Variants in CSMD1 observed in about 807,000 individuals in gnomAD.
CSMD1 encodes the protein CUB and sushi domain-containing protein 1.
Under a neutral mutation model 417.5 loss-of-function variants are expected in CSMD1, and 213 were observed. The ratio of observed to expected loss-of-function variants is 0.51; its 90% CI spans 0.46 to 0.57. CSMD1 has a LOEUF of 0.57. Ranked by LOEUF, CSMD1 falls within the 20% of genes least tolerant of loss-of-function variation. The pLI, the probability that CSMD1 is intolerant of heterozygous loss-of-function variation, is 0.00. For missense variants in CSMD1, 6,923 were observed against 4,529.7 expected (o/e 1.53, Z -15.17); for synonymous variants, 2,862 against 1,736.8 (o/e 1.65, Z -16.11).
intron 5 of CSMD1, among the ~76,000 whole-genome samples, chr8:3,874,305 G>C (rs549466584): frequency 2.6e-5 from 4 of 152,236 alleles, no homozygotes; most frequent in South Asian, 2.1e-4. Context: ...CTGTACTTTG[G>C]AAATACAGGC....
intron 1 of CSMD1, among the ~76,000 whole-genome samples, chr8:4,746,071 G>A (rs1446808911): frequency 6.6e-6 from 1 of 152,174 alleles, no homozygotes. Flanking sequence ...GTTACTGTCA[G>A]CCCCTCACAT....
chr8:3,875,792 G>A (rs1265353667), intron 5 of CSMD1, among the ~76,000 whole-genome samples: 2 of 152,152 alleles, frequency 1.3e-5, no homozygotes, highest in African/African-American at 4.8e-5. Flanking sequence ...TGTGGTAAAG[G>A]GAAGGTACAA....
At chr8:4,123,015 C>T (rs7836808) in intron 3 of CSMD1, among the ~76,000 whole-genome samples, 2 of 152,226 alleles carry the variant, frequency 1.3e-5, no homozygotes, top group Non-Finnish European at 2.9e-5. Flanking sequence ...CCAGCTTTGA[C>T]AAATTACAAT....
At chr8:3,221,968 G>A (rs369622430) in intron 28 of CSMD1, among the ~76,000 whole-genome samples, 17 of 152,024 alleles carry the variant, frequency 1.1e-4, no homozygotes, top group African/African-American at 2.2e-4. Flanking sequence ...CCTCATCAGC[G>A]CCAGCCTCCT....
intron 5 of CSMD1, among the ~76,000 whole-genome samples, chr8:3,994,097 G>T (rs989760261): frequency 6.6e-6 from 1 of 152,172 alleles, no homozygotes; most frequent in Admixed American, 6.5e-5. Flanking sequence ...CTGTCTCAGG[G>T]AGCTGAAGCT....
At chr8:4,303,970 G>C (rs1798118123) in intron 3 of CSMD1, among the ~76,000 whole-genome samples, 1 of 152,044 alleles carries the variant, frequency 6.6e-6, no homozygotes, top group Non-Finnish European at 1.5e-5. Context: ...TCTTCCTTTT[G>C]CCTCCTCCTG....
At chr8:4,325,348 C>G (rs1207725347) in intron 3 of CSMD1, among the ~76,000 whole-genome samples, 1 of 152,102 alleles carries the variant, frequency 6.6e-6, no homozygotes, top group African/African-American at 2.4e-5. Context: ...GTTCTCTTGT[C>G]TAGGAAGTCT....
At chr8:3,524,252 CAT>C (rs1236960448) in intron 10 of CSMD1, among the ~76,000 whole-genome samples, 2 of 150,928 alleles carry the variant, frequency 1.3e-5, no homozygotes, top group African/African-American at 4.9e-5. Context: ...CACCCAGAGA[CAT>C]ACACACAAGC....
At chr8:3,178,585 G>A (rs1396302366) in intron 37 of CSMD1, among the ~76,000 whole-genome samples, 3 of 152,146 alleles carry the variant, frequency 2.0e-5, no homozygotes, top group Admixed American at 2.0e-4. Context: ...GTGTGGCTAG[G>A]ACCCAGGAAG....
intron 68 of CSMD1, among the ~76,000 whole-genome samples, chr8:2,945,000 A>T (rs1051466832): frequency 6.6e-6 from 1 of 152,230 alleles, no homozygotes; most frequent in East Asian, 1.9e-4. Context: ...TTACATAACC[A>T]AACTTACCGT....
intron 11 of CSMD1, among the ~76,000 whole-genome samples, chr8:3,476,477 A>G (rs1817430883): frequency 6.6e-6 from 1 of 152,154 alleles, no homozygotes; most frequent in African/African-American, 2.4e-5. Flanking sequence ...GGGCCATATG[A>G]TTGATGTATA....
chr8:3,519,433 G>T (rs1797411073), intron 10 of CSMD1, among the ~76,000 whole-genome samples: 2 of 152,184 alleles, frequency 1.3e-5, no homozygotes, highest in African/African-American at 4.8e-5. Flanking sequence ...TCATGTAAAA[G>T]ATGAAGTTTC....
chr8:3,569,258 G>A (rs931715309), intron 10 of CSMD1, among the ~76,000 whole-genome samples: 3 of 152,068 alleles, frequency 2.0e-5, no homozygotes, highest in Non-Finnish European at 4.4e-5. Context: ...TGTTCCTTTT[G>A]ACATGATATA....
chr8:4,808,431 T>A (rs1396707990), intron 1 of CSMD1, among the ~76,000 whole-genome samples: 1 of 152,218 alleles, frequency 6.6e-6, no homozygotes, highest in Non-Finnish European at 1.5e-5. Context: ...AACATGGATC[T>A]AAAGAATTAA....
At chr8:4,528,281 C>G (rs992325097) in intron 2 of CSMD1, among the ~76,000 whole-genome samples, 11 of 152,150 alleles carry the variant, frequency 7.2e-5, no homozygotes, top group Admixed American at 1.3e-4. Context: ...ATCCCTACCT[C>G]TCTAGAGAGC....
chr8:3,406,005 C>G (rs190502039), intron 15 of CSMD1, 22 bp downstream of exon 15: 3 of 1,606,322 alleles, frequency 1.9e-6, no homozygotes, highest in South Asian at 2.2e-5. Flanking sequence ...AGGAGAAGAG[C>G]GGGGGGTGGC....
In CSMD1 at chr8:3,110,448, G is replaced by A. The variant is rs7012429; in HGVS notation, c.6431-113C>T. On this transcript the variant is annotated intron_variant, in intron 42 of 69. Transcript: ENST00000635120. Reference sequence around the variant, plus strand: ...CAACATTTTTCCTGATGGGAAATAGGTGTGAAATATTTCTGAATCACCATT... The same window carrying A: ...CAACATTTTTCCTGATGGGAAATAGATGTGAAATATTTCTGAATCACCATT... 486 of 826,132 alleles carry A rather than the reference G, an allele frequency of 5.9e-4. 5 individuals are homozygous for A. The South Asian group carries it at 7.5e-3, about 13-fold the overall frequency. 51.2% of individuals were successfully genotyped at this position (826,132 alleles called of 1,614,324 possible). A position where few individuals can be genotyped will look rare whatever the true frequency, so the allele number is the denominator to read the frequency against.
chr8:3,500,928 G>A (rs545071648), intron 10 of CSMD1, among the ~76,000 whole-genome samples: 6 of 152,066 alleles, frequency 3.9e-5, no homozygotes, highest in Non-Finnish European at 8.8e-5. Flanking sequence ...TTCTTTTAAT[G>A]GAGAATATTG....
intron 6 of CSMD1, among the ~76,000 whole-genome samples, chr8:3,733,839 A>C (rs1263842675): frequency 6.6e-6 from 1 of 152,148 alleles, no homozygotes; most frequent in Non-Finnish European, 1.5e-5. Context: ...GTTATTGTTT[A>C]TCTCATATGT....
Sources: gnomAD v4.1 joint callset for allele counts (sites outside exome capture counted in the v4.1 genomes callset) on GRCh38, gnomAD v4.1.1 for gene constraint, MANE v1.5 for transcripts, NCBI Gene and HGNC (gene_info 2026-07-23, HGNC 2026-07-21) for gene names.